UBAP1: variants seen among roughly 807,000 people sequenced by gnomAD.
UBAP1 encodes the protein ubiquitin-associated protein 1.
UBAP1 carries 5 observed loss-of-function variants against 39.0 expected under a neutral mutation model. The observed-to-expected ratio is 0.13, with a 90% CI of 0.07 to 0.27. UBAP1 has a LOEUF of 0.27. Ranked by LOEUF, UBAP1 falls within the 10% of genes least tolerant of loss-of-function variation. The pLI, the probability that UBAP1 is intolerant of heterozygous loss-of-function variation, is 1.00. For synonymous variants in UBAP1, 211 were observed against 225.1 expected, an observed-to-expected ratio of 0.94 and a Z score of 0.56; for missense variants, 490 against 608.1, an observed-to-expected ratio of 0.81 and a Z score of 2.04.
chr9:34,224,738 T>C, intron 2 of UBAP1: 1 of 229,474 alleles, frequency 4.4e-6, no homozygotes, highest in Non-Finnish European at 8.5e-6. Context: ...ATGGAGAATA[T>C]TTAATAGGCA....
In UBAP1 at chr9:34,252,355, A is replaced by G. The variant is rs545962655; in HGVS notation, c.*823A>G. 6.5e-5 allele frequency: 10 copies of G among 152,770 alleles called. No homozygotes were observed. The highest frequency in any genetic ancestry group is 1.9e-4 in the African/African-American group (8 of 41,564). 9.5% of individuals were successfully genotyped at this position (152,770 alleles called of 1,614,324 possible). On this transcript the variant is annotated 3_prime_UTR_variant, in exon 7 of 7. Coordinates refer to ENST00000297661, the MANE Select transcript of UBAP1 (RefSeq NM_016525.5). ...CCAGCCCACTGCTTTAGGATGACAC[A>G]ATGAATAACACCTAGTCATAGAAAT...
rs1830069387 is a variant in UBAP1, at chr9:34,182,083, T to TA, written c.-8+2844dup. ...CAAACTGCTGGGAGGCATGAGCAGC[T>TA]AGTGCACGTATTTTTGACTGGTGAA... On this transcript the variant is annotated intron_variant, in intron 1 of 6. Transcript: ENST00000297661. Among the ~76,000 whole-genome samples the TA allele has an allele frequency of 1.3e-5, 2 of 150,196 alleles. 1 individual carries two copies. Among genetic ancestry groups the TA allele is most frequent in the South Asian group, 4.2e-4 (2 of 4,768 alleles).
intron 3 of UBAP1, among the ~76,000 whole-genome samples, chr9:34,235,654 A>G (rs983130830): frequency 2.0e-5 from 3 of 151,984 alleles, no homozygotes; most frequent in Non-Finnish European, 2.9e-5. Flanking sequence ...ATTGTTTTTT[A>G]CAAATTTAGT....
chr9:34,236,879 T>G (rs1833724591), intron 3 of UBAP1, among the ~76,000 whole-genome samples: 1 of 152,118 alleles, frequency 6.6e-6, no homozygotes, highest in African/African-American at 2.4e-5. Flanking sequence ...CATAAGGTTA[T>G]GACAAAGCAA....
intron 1 of UBAP1, among the ~76,000 whole-genome samples, chr9:34,193,850 A>G (rs935868874): frequency 1.3e-5 from 2 of 152,122 alleles, no homozygotes; most frequent in African/African-American, 2.4e-5. Flanking sequence ...TGATGTCAGG[A>G]TGCCTTCTCT....
At chr9:34,251,206 T>C (rs532163643) in intron 6 of UBAP1, among the ~76,000 whole-genome samples, 186 bp from the exon 7 acceptor site, 134 of 152,174 alleles carry the variant, frequency 8.8e-4, no homozygotes, top group African/African-American at 3.0e-3. Context: ...CCAAACCCGT[T>C]TGCCTTGGCT....
At chr9:34,209,435 G>C (rs1831896577) in intron 1 of UBAP1, among the ~76,000 whole-genome samples, 1 of 152,030 alleles carries the variant, frequency 6.6e-6, no homozygotes, top group Non-Finnish European at 1.5e-5. Context: ...CCTAGTTTTT[G>C]TTTCCTATCA....
chr9:34,230,034 T>C (rs973918827), intron 2 of UBAP1, among the ~76,000 whole-genome samples: 2 of 152,136 alleles, frequency 1.3e-5, no homozygotes, highest in African/African-American at 4.8e-5. Context: ...CAATCTACAA[T>C]AGAACTTGGT....
At chr9:34,209,082 A>C (rs1358189336) in intron 1 of UBAP1, among the ~76,000 whole-genome samples, 2 of 151,858 alleles carry the variant, frequency 1.3e-5, no homozygotes, top group Admixed American at 6.6e-5. Context: ...TTACAGGCAT[A>C]TGCCATGAGA....
chr9:34,188,907 A>G (rs1042401861), intron 1 of UBAP1, among the ~76,000 whole-genome samples: 4 of 152,150 alleles, frequency 2.6e-5, no homozygotes, highest in African/African-American at 9.7e-5. Flanking sequence ...CGGTGAGCCG[A>G]GATCGTACCA....
At chr9:34,230,284 T>C (rs1042429075) in intron 2 of UBAP1, among the ~76,000 whole-genome samples, 10 of 152,154 alleles carry the variant, frequency 6.6e-5, no homozygotes, top group African/African-American at 2.2e-4. Context: ...CAGGCTGGTC[T>C]CGAACTCCTG....
At chr9:34,202,631 G>A (rs1415827454) in intron 1 of UBAP1, among the ~76,000 whole-genome samples, 3 of 93,260 alleles carry the variant, frequency 3.2e-5, no homozygotes, top group African/African-American at 6.8e-5. Context: ...AAACGTGTGT[G>A]TGTGTGTGTG....
rs186304082 is a variant in UBAP1 at position 34,192,082 on chromosome 9, G to C, written c.-8+12842G>C. ...TAGTCTCTAATTCCTGACCTCAAGTGATCGTCCCTCCATGGCCTCCTAAAG... is the reference window on the plus strand; with the variant it reads ...TAGTCTCTAATTCCTGACCTCAAGTCATCGTCCCTCCATGGCCTCCTAAAG... On this transcript the variant is annotated intron_variant, in intron 1 of 6. Transcript: ENST00000297661. Among the ~76,000 whole-genome samples the C allele has an allele frequency of 3.1e-3, 471 of 151,126 alleles. 2 individuals carry two copies. Among genetic ancestry groups the C allele is most frequent in the Non-Finnish European group, 5.2e-3 (356 of 67,852 alleles).
intron 1 of UBAP1, among the ~76,000 whole-genome samples, chr9:34,217,187 A>G (rs949941497): frequency 5.9e-5 from 9 of 152,164 alleles, no homozygotes; most frequent in African/African-American, 2.2e-4. Context: ...CAGTCAGAGA[A>G]TGGAGTCATC....
At chr9:34,206,323 G>C (rs1227191348) in intron 1 of UBAP1, 1 of 152,082 alleles carries the variant, frequency 6.6e-6, no homozygotes, top group Non-Finnish European at 1.5e-5. Flanking sequence ...ATAAGACTAA[G>C]CCTGAGCCAA....
chr9:34,249,408 C>G (rs145078300), intron 4 of UBAP1, among the ~76,000 whole-genome samples: 136 of 152,218 alleles, frequency 8.9e-4, no homozygotes, highest in Non-Finnish European at 1.6e-3. Flanking sequence ...GGAGAGAAAT[C>G]GCAGCCAGCT....
intron 4 of UBAP1, among the ~76,000 whole-genome samples, chr9:34,248,304 G>A (rs1416928330): frequency 2.0e-5 from 3 of 152,142 alleles, no homozygotes; most frequent in Non-Finnish European, 4.4e-5. Context: ...AAAGTGCTGG[G>A]ATTACAGGCG....
intron 1 of UBAP1, among the ~76,000 whole-genome samples, chr9:34,205,543 A>G (rs1831637386): frequency 6.6e-6 from 1 of 152,156 alleles, no homozygotes; most frequent in Non-Finnish European, 1.5e-5. Flanking sequence ...TTAAATTTTC[A>G]GAAAGTTTGA....
rs1232897149 is a variant in UBAP1, at chr9:34,181,969, A to AT, written c.-8+2740dup. 8.3e-4 allele frequency among the ~76,000 whole-genome samples: 119 copies of AT among 143,482 alleles called. 2 individuals carry two copies. The highest frequency in any genetic ancestry group is 6.6e-4 in the South Asian group (3 of 4,568). 94.1% of individuals were successfully genotyped at this position (143,482 alleles called of 152,430 possible). A position where few individuals can be genotyped will look rare whatever the true frequency, so the allele number is the denominator to read the frequency against. ...ATTGTTAGTGCATTTTTTAATTAAA[A>AT]TTTTTTTTTTTGTAGAGAAGGGGTC... On this transcript the variant is annotated intron_variant, in intron 1 of 6. Transcript: ENST00000297661.
Sources: allele counts gnomAD v4.1 joint callset (sites outside exome capture counted in the v4.1 genomes callset), GRCh38; gene constraint gnomAD v4.1.1; transcripts MANE v1.5; gene names NCBI Gene and HGNC (gene_info 2026-07-23, HGNC 2026-07-21).